ABAT: variants seen among roughly 807,000 people sequenced by gnomAD.
ABAT encodes 4-aminobutyrate aminotransferase, mitochondrial.
In ABAT, 45 loss-of-function variants were observed where a neutral mutation model predicts 64.6. The ratio of observed to expected loss-of-function variants is 0.70; its 90% confidence interval spans 0.55 to 0.89. The LOEUF is 0.89. Among genes scored for constraint, ABAT ranks in the 40% least tolerant of loss-of-function variants. The probability of loss-of-function intolerance (pLI) is 0.00; values close to 1 mark genes in which losing one functional copy is unlikely to be tolerated. For synonymous variants in ABAT, 297 were observed against 250.5 expected (o/e 1.19, Z -1.75); for missense variants, 633 against 658.4 (o/e 0.96, Z 0.42).
At chr16:8,722,720 AG>A in intron 1 of ABAT, 1 of 928,648 alleles carries the variant, frequency 1.1e-6, no homozygotes, top group Non-Finnish European at 1.5e-6. Flanking sequence ...GTGCTCTGAA[AG>A]CACCTCCCTT....
At chr16:8,758,570 C>G (rs1032482483) in intron 6 of ABAT, among the ~76,000 whole-genome samples, 2 of 151,718 alleles carry the variant, frequency 1.3e-5, no homozygotes, top group African/African-American at 4.8e-5. Flanking sequence ...CATCCGTAGC[C>G]AGATAATTCT....
At position 8,774,976 on chromosome 16, in the gene ABAT, T is replaced by C; in HGVS notation, c.1041T>C (p.Asp347=). The C allele has an allele frequency of 6.2e-7, 1 of 1,614,212 alleles. No individual in the cohort carries two copies. The change falls in exon 13 of 16, where the codon GAT becomes GAC. Residue 347 remains aspartate, a synonymous_variant. Transcript: ENST00000268251. ...GGGCCCATGAGCACTGGGGCCTGGA[T>C]GACCCAGCAGACGTGATGACCTTCA... ...KFWAHEHWGL[D]DPADVMTFSK...
intron 1 of ABAT, among the ~76,000 whole-genome samples, chr16:8,697,427 G>A (rs954613418): frequency 2.6e-5 from 4 of 152,152 alleles, no homozygotes; most frequent in East Asian, 1.9e-4. Flanking sequence ...GACCATTTAG[G>A]TGGCTGCCAC....
At chr16:8,676,591 T>C (rs2057208139) in intron 1 of ABAT, among the ~76,000 whole-genome samples, 1 of 152,154 alleles carries the variant, frequency 6.6e-6, no homozygotes, top group Non-Finnish European at 1.5e-5. Flanking sequence ...CGTGCGATCT[T>C]TGTGTTGAGG....
At chr16:8,710,432 G>C (rs931546101) in intron 1 of ABAT, among the ~76,000 whole-genome samples, 2 of 152,120 alleles carry the variant, frequency 1.3e-5, no homozygotes, top group African/African-American at 4.8e-5. Context: ...TGGGAGGTAT[G>C]ATCAAGCCCT....
chr16:8,697,737 G>C (rs1231890069), intron 1 of ABAT, among the ~76,000 whole-genome samples: 1 of 152,062 alleles, frequency 6.6e-6, no homozygotes, highest in African/African-American at 2.4e-5. Context: ...CCAGGTTCAA[G>C]AGATTCTCCT....
In ABAT at chr16:8,750,596, G is replaced by T. The variant is rs1054590709; in HGVS notation, c.316+57G>T. ...ACCTCTGTTTCTGTCTCTCCTAGTCGTGGCTATCCAGGTATTAGGATGTGG... is the reference window on the plus strand; with the variant it reads ...ACCTCTGTTTCTGTCTCTCCTAGTCTTGGCTATCCAGGTATTAGGATGTGG... On this transcript the variant is annotated intron_variant, in intron 5 of 15. Transcript: ENST00000268251. The T allele has an allele frequency of 7.3e-6, 11 of 1,517,112 alleles. No individual in the cohort carries two copies. In the East Asian group the frequency reaches 2.5e-4, roughly 34 times the overall value. The allele number at this position is 1,517,112 out of a possible 1,614,324, so 94.0% of individuals were successfully genotyped here.
At chr16:8,713,987 G>GT in intron 1 of ABAT, 1 of 444,302 alleles carries the variant, frequency 2.3e-6, no homozygotes, top group Non-Finnish European at 4.6e-6. Context: ...GGGTGTGCAG[G>GT]TCGGGGGGGC....
At chr16:8,770,148 T>A (rs574442365) in intron 11 of ABAT, among the ~76,000 whole-genome samples, 3 of 152,328 alleles carry the variant, frequency 2.0e-5, no homozygotes, top group African/African-American at 7.2e-5. Flanking sequence ...TTGTTTTGCT[T>A]TGTTTTTGAG....
At chr16:8,713,160 C>T (rs1053661247) in intron 1 of ABAT, 1 of 152,200 alleles carries the variant, frequency 6.6e-6, no homozygotes, top group Admixed American at 6.5e-5. Flanking sequence ...TTGGCGCCCC[C>T]CGGAGCCCCG....
rs74820298 is a variant in ABAT, at chr16:8,689,281, A to T, written c.-42+14570A>T. 9.3e-3 allele frequency among the ~76,000 whole-genome samples: 1,416 copies of T among 152,256 alleles called. 10 individuals are homozygous for T. Among genetic ancestry groups the T allele is most frequent in the Non-Finnish European group, 0.015 (1,041 of 68,022 alleles). The stretch of plus-strand genomic sequence containing the variant: ...CAGTATCACTGCCTCCATTGTCAAA[A>T]ATCAAGTGTCCATATATGCATGTAT... On this transcript the variant is annotated intron_variant, in intron 1 of 15. Transcript: ENST00000268251.
In ABAT at chr16:8,773,940, T is replaced by C. The variant is rs1033638731; in HGVS notation, c.955-950T>C. 3.3e-5 allele frequency among the ~76,000 whole-genome samples: 5 copies of C among 151,284 alleles called. No individual in the cohort carries two copies. The East Asian group carries it at 9.6e-4, about 29-fold the overall frequency. On this transcript the variant is annotated intron_variant, in intron 12 of 15. Coordinates refer to ENST00000268251, the MANE Select transcript of ABAT (RefSeq NM_020686.6). Reference sequence around the variant, plus strand: ...GTATATGTACCATATTTTCTTTTTCTTTTTTTTTGAGACAGTCTCACTCTG... The same window carrying C: ...GTATATGTACCATATTTTCTTTTTCCTTTTTTTTGAGACAGTCTCACTCTG...
intron 1 of ABAT, chr16:8,722,642 C>T (rs761213174): frequency 1.9e-4 from 73 of 390,272 alleles, no homozygotes; most frequent in Non-Finnish European, 3.1e-4. Context: ...GGGCCAACAA[C>T]CAGCCTGCTG....
chr16:8,687,502 G>A (rs2057483019), intron 1 of ABAT, among the ~76,000 whole-genome samples: 1 of 152,222 alleles, frequency 6.6e-6, no homozygotes, highest in Non-Finnish European at 1.5e-5. Context: ...CTCCAGCCTG[G>A]CGACAGAGTG....
chr16:8,772,982 C>T (rs946885474), intron 12 of ABAT, 65 bp downstream of exon 12: 25 of 1,605,318 alleles, frequency 1.6e-5, no homozygotes, highest in African/African-American at 2.7e-5. Context: ...CCCCGAGTAA[C>T]GGGCCAGCAG....
chr16:8,706,307 G>T (rs1269111688), intron 1 of ABAT, among the ~76,000 whole-genome samples: 1 of 150,836 alleles, frequency 6.6e-6, no homozygotes, highest in South Asian at 2.1e-4. Flanking sequence ...CCGAGAGGCT[G>T]AGGTGGGAGG....
chr16:8,773,298 C>A (rs1477300025), intron 12 of ABAT, among the ~76,000 whole-genome samples: 2 of 152,056 alleles, frequency 1.3e-5, no homozygotes, highest in Admixed American at 1.3e-4. Flanking sequence ...ACTACAGGCA[C>A]ACGTCACCAT....
chr16:8,777,027 T>A (rs1457701018), intron 14 of ABAT, among the ~76,000 whole-genome samples: 1 of 152,140 alleles, frequency 6.6e-6, no homozygotes, highest in Non-Finnish European at 1.5e-5. Flanking sequence ...GCCTCCCAAG[T>A]AGCTGGGATT....
intron 9 of ABAT, among the ~76,000 whole-genome samples, chr16:8,766,867 G>T (rs1025137950): frequency 1.3e-5 from 2 of 152,008 alleles, no homozygotes; most frequent in African/African-American, 4.8e-5. Flanking sequence ...TACTCGGGAG[G>T]CTGAGGCAGG....
Sources: allele counts gnomAD v4.1 joint callset (sites outside exome capture counted in the v4.1 genomes callset), GRCh38; gene constraint gnomAD v4.1.1; transcripts MANE v1.5; gene names NCBI Gene and HGNC (gene_info 2026-07-23, HGNC 2026-07-21).